Variants in AP1M1 observed in about 807,000 individuals in gnomAD.
The protein encoded by AP1M1 is adaptor related protein complex 1 subunit mu 1, also known as AP-1 complex subunit mu-1.
A neutral mutation model predicts 57.1 loss-of-function variants in AP1M1; 18 were observed. The observed-to-expected ratio is 0.32, with a 90% CI of 0.22 to 0.47. The LOEUF is 0.47. Among genes scored for constraint, AP1M1 ranks in the 20% least tolerant of loss-of-function variants. AP1M1 has a pLI of 1.00. For missense variants in AP1M1, 362 were observed against 593.5 expected, an observed-to-expected ratio of 0.61 and a Z score of 4.05; for synonymous variants, 241 against 237.9, an observed-to-expected ratio of 1.01 and a Z score of -0.12.
chr19:16,199,849 C>T (rs2091440039), intron 1 of AP1M1, among the ~76,000 whole-genome samples: 2 of 152,186 alleles, frequency 1.3e-5, no homozygotes, highest in South Asian at 4.1e-4. Flanking sequence ...TCTTGGCTTG[C>T]TTATTCCTTC....
rs535569666 is a variant in AP1M1, at chr19:16,226,641, G to A, written c.673+94G>A. ...GCAGGGTTGGGCCAGGCGGAGGAAC[G>A]AGCTGGTTTCAAGCACTTGGTTGAG... is the stretch of plus-strand genomic sequence containing the variant. On this transcript the variant is annotated intron_variant, in intron 6 of 11. Transcript: ENST00000291439. 13 of 1,445,344 alleles carry A rather than the reference G, an allele frequency of 9.0e-6. No homozygotes were observed. In the East Asian group the frequency reaches 1.8e-4, roughly 19 times the overall value. 89.5% of individuals were successfully genotyped at this position (1,445,344 alleles called of 1,614,324 possible).
intron 5 of AP1M1, among the ~76,000 whole-genome samples, chr19:16,219,390 G>GAT (rs1555724749): frequency 1.3e-5 from 1 of 75,996 alleles, no homozygotes; most frequent in East Asian, 3.9e-4. Context: ...ATTCATTTTT[G>GAT]TTTTTTTGTT....
Position 16,236,550 on chromosome 19 carries a change from T to G in AP1M1, c.*2115T>G, listed in dbSNP as rs2091625628. On this transcript the variant is annotated 3_prime_UTR_variant, in exon 12 of 12. Coordinates refer to ENST00000291439, the MANE Select transcript of AP1M1 (RefSeq NM_032493.4). ...GATGGTGAAATGCAGTGGAGATGAC[T>G]CCTGCGTGAAGCTGGGATCCTCGAG... 6.6e-6 allele frequency: 1 copy of G among 152,126 alleles called. No individual in the cohort carries two copies. Among genetic ancestry groups the G allele is most frequent in the Non-Finnish European group, 1.5e-5 (1 of 68,050 alleles). 9.4% of individuals were successfully genotyped at this position (152,126 alleles called of 1,614,324 possible). A position where few individuals can be genotyped will look rare whatever the true frequency, so the allele number is the denominator to read the frequency against.
chr19:16,242,209 C>T lies in AP1M1; in HGVS notation c.*7774C>T, dbSNP rs1195357331. Reference sequence around the variant, plus strand: ...CCTGTAGTCCAAACTACTCAGGAGGCTGAGTTGGGAGGATCACCTGAGTTC... The same window carrying T: ...CCTGTAGTCCAAACTACTCAGGAGGTTGAGTTGGGAGGATCACCTGAGTTC... On this transcript the variant is annotated 3_prime_UTR_variant, in exon 12 of 12. Coordinates refer to ENST00000291439, the MANE Select transcript of AP1M1 (RefSeq NM_032493.4). The T allele has an allele frequency of 6.6e-6, 1 of 151,870 alleles. No individual in the cohort carries two copies. The highest frequency in any genetic ancestry group is 1.5e-5 in the Non-Finnish European group (1 of 68,050). The allele number at this position is 151,870 out of a possible 1,614,324, so 9.4% of individuals were successfully genotyped here. A position where few individuals can be genotyped will look rare whatever the true frequency, so the allele number is the denominator to read the frequency against.
intron 9 of AP1M1, among the ~76,000 whole-genome samples, chr19:16,229,491 C>T (rs1325854877): frequency 1.3e-5 from 2 of 152,158 alleles, no homozygotes; most frequent in Admixed American, 1.3e-4. Flanking sequence ...GAGGCTAGGC[C>T]CAGGCATGGC....
rs189356650 is a variant in AP1M1 at position 16,226,970 on chromosome 19, G to A, written c.673+423G>A. Among the ~76,000 whole-genome samples the A allele has an allele frequency of 1.1e-3, 160 of 152,278 alleles. 2 individuals are homozygous for A. The South Asian group carries it at 0.012, about 11-fold the overall frequency. ...CCTCTAACACTTCCCACAGCAGGGC[G>A]GGGGCAGAGGGGCCCAGGGCCTGGT... On this transcript the variant is annotated intron_variant, in intron 6 of 11. Transcript: ENST00000291439.
rs202058849 is a variant in AP1M1, at chr19:16,206,313, A to G, written c.200-28A>G. 1,257 of 1,613,350 alleles carry G rather than the reference A, an allele frequency of 7.8e-4. 18 individuals are homozygous for G. The highest frequency in any genetic ancestry group is 6.6e-5 in the Non-Finnish European group (78 of 1,179,418). ...TCCAGGCAGCAGCCCCAGCCTCTGA[A>G]TGCTCCTTAACTGTGGCCGCCATGC... On this transcript the variant is annotated intron_variant, in intron 2 of 11. Coordinates refer to ENST00000291439, the MANE Select transcript of AP1M1 (RefSeq NM_032493.4). This position sits in a 1 kb window ranked among gnomAD's most constrained non-coding sequence, Gnocchi z 4.3.
Position 16,234,234 on chromosome 19 carries a change from C to T in AP1M1, c.1209C>T (p.Tyr403=), listed in dbSNP as rs1343428079. The change falls in exon 11 of 12, where the codon TAC becomes TAT. Residue 403 remains tyrosine, a synonymous_variant. Coordinates refer to ENST00000291439, the MANE Select transcript of AP1M1 (RefSeq NM_032493.4). ...TGAAGATCATTGAGAAGAGTGGGTACCAGGCCCTGCCCTGGGTGCGTTATA... is the reference window on the plus strand; with the variant it reads ...TGAAGATCATTGAGAAGAGTGGGTATCAGGCCCTGCCCTGGGTGCGTTATA... ...RYLKIIEKSG[Y]QALPWVRYIT... is the part of the protein sequence containing the mutation. 1.2e-6 allele frequency: 2 copies of T among 1,613,898 alleles called. No homozygotes were observed. The highest frequency in any genetic ancestry group is 1.1e-5 in the South Asian group (1 of 91,058).
intron 9 of AP1M1, among the ~76,000 whole-genome samples, chr19:16,230,621 G>A (rs568276905): frequency 6.6e-6 from 1 of 152,102 alleles, no homozygotes; most frequent in Non-Finnish European, 1.5e-5. Flanking sequence ...AGCTGGTGAC[G>A]AACTCCTGAC....
intron 5 of AP1M1, among the ~76,000 whole-genome samples, chr19:16,213,963 T>G (rs904068965): frequency 6.6e-6 from 1 of 152,228 alleles, no homozygotes; most frequent in African/African-American, 2.4e-5. Context: ...TTATGCTGAC[T>G]TGTTTGTGTG....
chr19:16,206,659 C>A lies in AP1M1; in HGVS notation c.267+251C>A, dbSNP rs1250902166. Among the ~76,000 whole-genome samples the A allele has an allele frequency of 6.6e-6, 1 of 152,126 alleles. No individual in the cohort carries two copies. The highest frequency in any genetic ancestry group is 2.4e-5 in the African/African-American group (1 of 41,420). On this transcript the variant is annotated intron_variant, in intron 3 of 11. Coordinates refer to ENST00000291439, the MANE Select transcript of AP1M1 (RefSeq NM_032493.4). This position sits in a 1 kb window ranked among gnomAD's most constrained non-coding sequence, Gnocchi z 4.3. ...AAAGGTAGGGCTCAGAGCAGGGGTG[C>A]CCTGACCCTGGAAGGGACAAGCAGG...
chr19:16,225,796 C>T (rs2091568530), intron 5 of AP1M1, among the ~76,000 whole-genome samples: 1 of 152,274 alleles, frequency 6.6e-6, no homozygotes, highest in African/African-American at 2.4e-5. Context: ...AAGAAGGGGT[C>T]AGGACTCAGG....
chr19:16,229,931 A>G (rs1391660025), intron 9 of AP1M1, among the ~76,000 whole-genome samples: 1 of 152,098 alleles, frequency 6.6e-6, no homozygotes, highest in Non-Finnish European at 1.5e-5. Context: ...CACCTTTGGG[A>G]GCTGTGGATA....
At position 16,228,629 on chromosome 19, in the gene AP1M1, G is replaced by A. The variant is rs1334445297; in HGVS notation, c.889-141G>A. 3 of 811,030 alleles carry A rather than the reference G, an allele frequency of 3.7e-6. No individual in the cohort carries two copies. The highest frequency in any genetic ancestry group is 3.4e-5 in the African/African-American group (2 of 58,242). 50.2% of individuals were successfully genotyped at this position (811,030 alleles called of 1,614,324 possible). A position where few individuals can be genotyped will look rare whatever the true frequency, so the allele number is the denominator to read the frequency against. ...GAGAGTCTCGAGGGCAGGAGAAGGGGTGGGTAGTGCCTGGAGAAGTGGGGC... is the reference window on the plus strand; with the variant it reads ...GAGAGTCTCGAGGGCAGGAGAAGGGATGGGTAGTGCCTGGAGAAGTGGGGC... On this transcript the variant is annotated intron_variant, in intron 8 of 11. Transcript: ENST00000291439. This position sits in a 1 kb window ranked among gnomAD's most constrained non-coding sequence, Gnocchi z 5.0.
chr19:16,201,388 C>CTTTTTTTTTTT (rs57467734), intron 1 of AP1M1, among the ~76,000 whole-genome samples: 2 of 62,394 alleles, frequency 3.2e-5, no homozygotes, highest in African/African-American at 6.8e-5. Flanking sequence ...GGGAGGATTT[C>CTTTTTTTTTTT]TTTTTTTTTT....
At position 16,234,590 on chromosome 19, in the gene AP1M1, T is replaced by C. The variant is rs1489239011; in HGVS notation, c.*155T>C. 4.5e-6 allele frequency: 4 copies of C among 881,686 alleles called. No individual in the cohort carries two copies. The highest frequency in any genetic ancestry group is 3.5e-6 in the Non-Finnish European group (2 of 567,508). The allele number at this position is 881,686 out of a possible 1,614,324, so 54.6% of individuals were successfully genotyped here. On this transcript the variant is annotated 3_prime_UTR_variant, in exon 12 of 12. Coordinates refer to ENST00000291439, the MANE Select transcript of AP1M1 (RefSeq NM_032493.4). The stretch of plus-strand genomic sequence containing the variant: ...CCCCTGCCTTCCCCAGGCCATCTGC[T>C]CTGCCGTCGACACTCGTCTCAGAAG...
In AP1M1 at chr19:16,207,900, G is replaced by C; in HGVS notation, c.268-119G>C. On this transcript the variant is annotated intron_variant, in intron 3 of 11. Coordinates refer to ENST00000291439, the MANE Select transcript of AP1M1 (RefSeq NM_032493.4). This position sits in a 1 kb window ranked among gnomAD's most constrained non-coding sequence, Gnocchi z 4.2. ...CCCTGTAGCACACCACCGAGCCTGG[G>C]AAGTAGGCTGTTGGTAGGACTTAGC... The C allele has an allele frequency of 7.5e-7, 1 of 1,326,040 alleles. No homozygotes were observed. Among genetic ancestry groups the C allele is most frequent in the Non-Finnish European group, 1.0e-6 (1 of 962,838 alleles). 82.1% of individuals were successfully genotyped at this position (1,326,040 alleles called of 1,614,324 possible).
At position 16,197,953 on chromosome 19, in the gene AP1M1, C is replaced by T; in HGVS notation, c.-74C>T. On this transcript the variant is annotated 5_prime_UTR_variant, in exon 1 of 12. Coordinates refer to ENST00000291439, the MANE Select transcript of AP1M1 (RefSeq NM_032493.4). ...GTCGCGGGCGGCGCCCGGCCTTGCT[C>T]AACGCCCAGCAGTCCCCACCGTCGC... 3 of 1,403,054 alleles carry T rather than the reference C, an allele frequency of 2.1e-6. No homozygotes were observed. The highest frequency in any genetic ancestry group is 2.6e-5 in the Admixed American group (1 of 39,200). The allele number at this position is 1,403,054 out of a possible 1,614,324, so 86.9% of individuals were successfully genotyped here.
intron 1 of AP1M1, among the ~76,000 whole-genome samples, chr19:16,201,328 C>T (rs1003701447): frequency 2.0e-5 from 3 of 148,642 alleles, no homozygotes; most frequent in African/African-American, 7.5e-5. Flanking sequence ...AGGGATAAAG[C>T]AGGGGTCAGG....
Sources: allele counts gnomAD v4.1 joint callset (sites outside exome capture counted in the v4.1 genomes callset), GRCh38; gene constraint gnomAD v4.1.1; non-coding constraint Gnocchi (gnomAD v3.1); transcripts MANE v1.5; gene names NCBI Gene and HGNC (gene_info 2026-07-23, HGNC 2026-07-21).